The following TEDC1 variants were observed in gnomAD, a reference collection of about 807,000 sequenced individuals.
The protein encoded by TEDC1 is tubulin epsilon and delta complex 1.
A neutral mutation model predicts 59.9 loss-of-function variants in TEDC1; 54 were observed. That is an observed-to-expected ratio of 0.90 (90% CI 0.72 to 1.13). The LOEUF is 1.13. Ranked by LOEUF, TEDC1 falls within the 50% of genes most tolerant of loss-of-function variation. TEDC1 has a pLI of 0.00. For missense variants in TEDC1, 734 were observed against 683.4 expected (o/e 1.07, Z -0.83); for synonymous variants, 353 against 298.1 (o/e 1.18, Z -1.90).
In TEDC1 at chr14:105,491,603, C is replaced by T. The variant is rs1170841424; in HGVS notation, c.148-19C>T. 8 of 1,549,158 alleles carry T rather than the reference C, an allele frequency of 5.2e-6. No homozygotes were observed. The highest frequency in any genetic ancestry group is 7.0e-6 in the Non-Finnish European group (8 of 1,146,662). Reference sequence around the variant, plus strand: ...AGTTGGGCCGGCTCCGCTGACCGCCCGCTTTTTATTTTCCGCAGACCTCCG... The same window carrying T: ...AGTTGGGCCGGCTCCGCTGACCGCCTGCTTTTTATTTTCCGCAGACCTCCG... On this transcript the variant is annotated intron_variant, in intron 1 of 8. Coordinates refer to ENST00000392523, the MANE Select transcript of TEDC1 (RefSeq NM_001367178.1).
In TEDC1 at chr14:105,498,702, A is replaced by G; in HGVS notation, c.1244A>G (p.Gln415Arg). ...GTGGAAAAGGAGCTGGGAGCTCTACAGCAGTGCTGGGAGCGAGACGGTGGC... is the reference window on the plus strand; with the variant it reads ...GTGGAAAAGGAGCTGGGAGCTCTACGGCAGTGCTGGGAGCGAGACGGTGGC... ...EAVEKELGAL[Q>R]QCWERDGGPA... The change falls in exon 9 of 9, where the codon CAG (glutamine) becomes CGG (arginine). Residue 415 changes from glutamine (Q) to arginine (R), a missense_variant. By Grantham distance (43) the Gln-to-Arg change is conservative. Transcript: ENST00000392523. 6.4e-7 allele frequency: 1 copy of G among 1,552,658 alleles called. No individual in the cohort carries two copies.
rs587740886 is a variant in TEDC1, at chr14:105,493,042, G to A, written c.585+308G>A. Among the ~76,000 whole-genome samples, 14 of 152,294 alleles carry A rather than the reference G, an allele frequency of 9.2e-5. No homozygotes were observed. In the South Asian group the frequency reaches 1.9e-3, roughly 20 times the overall value. ...TCCAGCTCTGTGAACAGTGGGATGG[G>A]GTCTGTGCCATGAAAGCCACTCCCT... On this transcript the variant is annotated intron_variant, in intron 4 of 8. Coordinates refer to ENST00000392523, the MANE Select transcript of TEDC1 (RefSeq NM_001367178.1).
chr14:105,494,123 C>T (rs1322752667), intron 5 of TEDC1, 190 bp downstream of exon 5: 4 of 601,304 alleles, frequency 6.7e-6, no homozygotes, highest in South Asian at 3.9e-5. Context: ...CTCCTAGCCT[C>T]ATGGGCCACT....
rs2084279063 is a variant in TEDC1, at chr14:105,493,936, G to A, written c.684+3G>A. 6.4e-7 allele frequency: 1 copy of A among 1,568,014 alleles called. No individual in the cohort carries two copies. Among genetic ancestry groups the A allele is most frequent in the Non-Finnish European group, 8.6e-7 (1 of 1,156,406 alleles). On this transcript the variant is annotated splice_donor_region_variant and intron_variant, in intron 5 of 8. Coordinates refer to ENST00000392523, the MANE Select transcript of TEDC1 (RefSeq NM_001367178.1). ...GGGACCCAGAGGGAGGCCAGCAGGTGAGGGCGGGCAAGCTGCTGCGGGGGG... is the reference window on the plus strand; with the variant it reads ...GGGACCCAGAGGGAGGCCAGCAGGTAAGGGCGGGCAAGCTGCTGCGGGGGG...
chr14:105,497,327 G>T, intron 6 of TEDC1, 30 bp from the exon 7 acceptor site: 5 of 1,547,232 alleles, frequency 3.2e-6, no homozygotes, highest in Non-Finnish European at 4.4e-6. Flanking sequence ...CCCGTGTGAG[G>T]TTCTAGGCCA....
At position 105,499,137 on chromosome 14, in the gene TEDC1, G is replaced by A. The variant is rs1478373329; in HGVS notation, c.*191G>A. Reference sequence around the variant, plus strand: ...CAGGCCTGTGGCTAGCAGCACTGGGGACAGGAATGGCTGGTCCCTTGAGGA... The same window carrying A: ...CAGGCCTGTGGCTAGCAGCACTGGGAACAGGAATGGCTGGTCCCTTGAGGA... On this transcript the variant is annotated 3_prime_UTR_variant, in exon 9 of 9. Coordinates refer to ENST00000392523, the MANE Select transcript of TEDC1 (RefSeq NM_001367178.1). The A allele has an allele frequency of 3.1e-6, 2 of 638,376 alleles. No individual in the cohort carries two copies. The highest frequency in any genetic ancestry group is 5.4e-6 in the Non-Finnish European group (2 of 372,418). 39.5% of individuals were successfully genotyped at this position (638,376 alleles called of 1,614,324 possible). A position where few individuals can be genotyped will look rare whatever the true frequency, so the allele number is the denominator to read the frequency against.
At position 105,491,285 on chromosome 14, in the gene TEDC1, C is replaced by A; in HGVS notation, c.-91C>A. The A allele has an allele frequency of 6.6e-7, 1 of 1,515,392 alleles. No homozygotes were observed. The highest frequency in any genetic ancestry group is 8.8e-7 in the Non-Finnish European group (1 of 1,134,772). 93.9% of individuals were successfully genotyped at this position (1,515,392 alleles called of 1,614,324 possible). On this transcript the variant is annotated 5_prime_UTR_variant, in exon 1 of 9. Coordinates refer to ENST00000392523, the MANE Select transcript of TEDC1 (RefSeq NM_001367178.1). The stretch of plus-strand genomic sequence containing the variant: ...GCGGTAACTGGGCGCAGGTCCCAGC[C>A]GCCGCACTAAACCCGGCCCGTGCGG...
At chr14:105,491,551 C>T in intron 1 of TEDC1, 29 bp downstream of exon 1, 4 of 1,531,624 alleles carry the variant, frequency 2.6e-6, no homozygotes, top group East Asian at 2.5e-5. Context: ...GCAGGCGGGC[C>T]GGGTGGGGTC....
intron 7 of TEDC1, 139 bp downstream of exon 7, chr14:105,497,582 G>A: frequency 8.5e-7 from 1 of 1,174,876 alleles, no homozygotes. Flanking sequence ...CTCTTTCTAG[G>A]ACTTCCACTC....
intron 6 of TEDC1, chr14:105,496,953 C>G (rs1595477934): frequency 3.8e-6 from 1 of 261,168 alleles, no homozygotes; most frequent in Non-Finnish European, 7.3e-6. Context: ...TCCCCGGATA[C>G]AGCCCGCATT....
At chr14:105,492,331 C>T in intron 3 of TEDC1, 22 bp downstream of exon 3, 1 of 1,597,836 alleles carries the variant, frequency 6.3e-7, no homozygotes, top group South Asian at 1.1e-5. Context: ...TGAGGGTGAG[C>T]TGAGCCAGCC....
At position 105,498,941 on chromosome 14, in the gene TEDC1, C is replaced by T. The variant is rs782697723; in HGVS notation, c.1483C>T (p.Arg495Cys). 5.9e-5 allele frequency: 95 copies of T among 1,600,672 alleles called. No homozygotes were observed. Among genetic ancestry groups the T allele is most frequent in the Admixed American group, 3.7e-4 (22 of 59,174 alleles). The change falls in exon 9 of 9, where the codon CGC becomes TGC. Residue 495 changes from arginine to cysteine, a missense_variant. Coordinates refer to ENST00000392523, the MANE Select transcript of TEDC1 (RefSeq NM_001367178.1). ...PGLIWIPPPG[R>C] Reference sequence around the variant, plus strand: ...TCTCATCTGGATCCCGCCACCTGGACGCTGAGGGCCTGTCGACGGGCCCTC... The same window carrying T: ...TCTCATCTGGATCCCGCCACCTGGATGCTGAGGGCCTGTCGACGGGCCCTC...
chr14:105,490,581 C>A (rs1160106163), upstream of TEDC1: 2 of 152,622 alleles, frequency 1.3e-5, no homozygotes, highest in Non-Finnish European at 2.9e-5. Context: ...GTGGCGGCGG[C>A]AGAGGGAAGC....
At position 105,491,373 on chromosome 14, in the gene TEDC1, T is replaced by C. The variant is rs1555439207; in HGVS notation, c.-3T>C. Reference sequence around the variant, plus strand: ...CGATCCGAAAGAGGCTGGTGCTGGCTGCATGGGGAGGCGGCGGCAGCGGGT... The same window carrying C: ...CGATCCGAAAGAGGCTGGTGCTGGCCGCATGGGGAGGCGGCGGCAGCGGGT... On this transcript the variant is annotated 5_prime_UTR_variant, in exon 1 of 9. Coordinates refer to ENST00000392523, the MANE Select transcript of TEDC1 (RefSeq NM_001367178.1). 2.1e-6 allele frequency: 3 copies of C among 1,427,546 alleles called. No homozygotes were observed. Among genetic ancestry groups the C allele is most frequent in the African/African-American group, 3.0e-5 (2 of 67,352 alleles). The allele number at this position is 1,427,546 out of a possible 1,614,324, so 88.4% of individuals were successfully genotyped here.
chr14:105,495,039 T>A (rs1219376219), intron 5 of TEDC1: 1 of 152,110 alleles, frequency 6.6e-6, no homozygotes, highest in Non-Finnish European at 1.5e-5. Flanking sequence ...TCCGGCTAAT[T>A]TTTTTGTATT....
rs782175020 is a variant in TEDC1, at chr14:105,498,635, G to A, written c.1177G>A (p.Gly393Arg). Residue 393 changes from glycine to arginine, a missense_variant, in exon 9 of 9, where the codon GGG becomes AGG. Gly to Arg is a moderately radical substitution (Grantham distance 125, BLOSUM62 -2). Coordinates refer to ENST00000392523, the MANE Select transcript of TEDC1 (RefSeq NM_001367178.1). ...WEAKAGGCGRGPEWSAARRAS... is the reference protein window; with the variant it reads ...WEAKAGGCGRRPEWSAARRAS... ...CACGCAGGCTGGAGGCTGTGGACGG[G>A]GGCCAGAGTGGAGTGCCGCGCGGCG... 3 of 1,549,444 alleles carry A rather than the reference G, an allele frequency of 1.9e-6. No individual in the cohort carries two copies. Among genetic ancestry groups the A allele is most frequent in the African/African-American group, 1.4e-5 (1 of 73,378 alleles).
chr14:105,499,084 T>C lies in TEDC1; in HGVS notation c.*138T>C. On this transcript the variant is annotated 3_prime_UTR_variant, in exon 9 of 9. Coordinates refer to ENST00000392523, the MANE Select transcript of TEDC1 (RefSeq NM_001367178.1). ...CCACGTCACATGCTCGCTCCAGGGGTGGGGCTGGGCTGACTCTGGCCGGAT... is the reference window on the plus strand; with the variant it reads ...CCACGTCACATGCTCGCTCCAGGGGCGGGGCTGGGCTGACTCTGGCCGGAT... 1 of 973,932 alleles carries C rather than the reference T, an allele frequency of 1.0e-6. No homozygotes were observed. The highest frequency in any genetic ancestry group is 1.7e-5 in the South Asian group (1 of 58,472). 60.3% of individuals were successfully genotyped at this position (973,932 alleles called of 1,614,324 possible). A position where few individuals can be genotyped will look rare whatever the true frequency, so the allele number is the denominator to read the frequency against.
Position 105,497,425 on chromosome 14 carries a change from G to T in TEDC1, c.960G>T (p.Leu320=). ...EAVLAWRRSE[L]VFWRWMDTVL... is the part of the protein sequence containing the mutation. ...TCCTGGCGTGGCGGCGCTCTGAGCT[G>T]GTCTTCTGGCGGTGGATGGTGAGGA... The change falls in exon 7 of 9, where the codon CTG becomes CTT. Residue 320 remains leucine (L), a synonymous_variant. Coordinates refer to ENST00000392523, the MANE Select transcript of TEDC1 (RefSeq NM_001367178.1). 1 of 1,549,672 alleles carries T rather than the reference G, an allele frequency of 6.5e-7. No homozygotes were observed. Among genetic ancestry groups the T allele is most frequent in the Admixed American group, 1.9e-5 (1 of 51,284 alleles).
Position 105,492,080 on chromosome 14 carries a change from C to T in TEDC1, c.227-27C>T, listed in dbSNP as rs1005150347. 10 of 1,564,438 alleles carry T rather than the reference C, an allele frequency of 6.4e-6. No individual in the cohort carries two copies. The African/African-American group carries it at 1.1e-4, about 17-fold the overall frequency. The stretch of plus-strand genomic sequence containing the variant: ...GGTGTCACCTCCAGGTGGGTGGTCC[C>T]CCTAAGGTGGTGGTCTTCTGTCCTA... On this transcript the variant is annotated intron_variant, in intron 2 of 8. Transcript: ENST00000392523.
Sources: allele counts gnomAD v4.1 joint callset (sites outside exome capture counted in the v4.1 genomes callset), GRCh38; gene constraint gnomAD v4.1.1; transcripts MANE v1.5; gene names NCBI Gene and HGNC (gene_info 2026-07-23, HGNC 2026-07-21).